Variants in CYLC2 observed in about 807,000 individuals in gnomAD.
The protein encoded by CYLC2 is cylicin 2, also known as cylicin-2.
A neutral mutation model predicts 26.1 loss-of-function variants in CYLC2; 30 were observed. That is an observed-to-expected ratio of 1.15 (90% CI 0.86 to 1.56). The LOEUF is 1.56. Among genes scored for constraint, CYLC2 ranks in the 40% most tolerant of loss-of-function variants. The pLI, the probability that CYLC2 is intolerant of heterozygous loss-of-function variation, is 0.00. For synonymous variants in CYLC2, 158 were observed against 132.8 expected (o/e 1.19, Z -1.31); for missense variants, 498 against 394.4 (o/e 1.26, Z -2.23).
Position 103,005,837 on chromosome 9 carries a change from G to A in CYLC2, c.*159G>A. 2 of 758,112 alleles carry A rather than the reference G, an allele frequency of 2.6e-6. No individual in the cohort carries two copies. Among genetic ancestry groups the A allele is most frequent in the Non-Finnish European group, 2.1e-6 (1 of 481,236 alleles). The allele number at this position is 758,112 out of a possible 1,614,324, so 47.0% of individuals were successfully genotyped here. On this transcript the variant is annotated 3_prime_UTR_variant, in exon 5 of 8. Coordinates refer to ENST00000374798, the MANE Select transcript of CYLC2 (RefSeq NM_001340.5). The stretch of plus-strand genomic sequence containing the variant: ...GAAGGATACAAAGGAGAACTCAGCA[G>A]AGATTTATAAAAATATATAAGAAAG...
At chr9:103,015,268 T>C (rs1217985318) in intron 6 of CYLC2, among the ~76,000 whole-genome samples, 1 of 115,928 alleles carries the variant, frequency 8.6e-6, no homozygotes, top group Non-Finnish European at 1.7e-5. Flanking sequence ...ATTATATACA[T>C]ATATTTATAT....
intron 5 of CYLC2, among the ~76,000 whole-genome samples, chr9:103,006,591 T>A (rs969302286): frequency 6.6e-6 from 1 of 151,784 alleles, no homozygotes; most frequent in African/African-American, 2.4e-5. Context: ...TTTTTTTGTA[T>A]TTTTAGTAGA....
chr9:103,009,644 T>C (rs999801268), intron 5 of CYLC2, among the ~76,000 whole-genome samples: 1 of 152,152 alleles, frequency 6.6e-6, no homozygotes, highest in African/African-American at 2.4e-5. Flanking sequence ...CAATGTGCTA[T>C]CAAATAGTAG....
chr9:103,014,504 T>C (rs1217796506), intron 6 of CYLC2, among the ~76,000 whole-genome samples: 1 of 141,010 alleles, frequency 7.1e-6, no homozygotes, highest in East Asian at 2.2e-4. Context: ...ATACATAATA[T>C]ATGTAATATA....
intron 1 of CYLC2, among the ~76,000 whole-genome samples, chr9:103,000,140 A>G (rs1019562394): frequency 1.3e-5 from 2 of 151,808 alleles, no homozygotes; most frequent in Admixed American, 6.6e-5. Flanking sequence ...CATTTTCATA[A>G]TTATCTTATT....
rs1275505928 is a variant in CYLC2 at position 103,015,359 on chromosome 9, TC to T, written c.*817-1528del. Among the ~76,000 whole-genome samples the T allele has an allele frequency of 4.3e-5, 5 of 117,060 alleles. No homozygotes were observed. The South Asian group carries it at 7.5e-4, about 17-fold the overall frequency. The allele number at this position is 117,060 out of a possible 152,430, so 76.8% of individuals were successfully genotyped here. On this transcript the variant is annotated intron_variant, in intron 6 of 7. Transcript: ENST00000374798. The stretch of plus-strand genomic sequence containing the variant: ...ATTATGTTATATATATTATATATAA[TC>T]ATATTATATAATGTAATATATATTA...
intron 6 of CYLC2, among the ~76,000 whole-genome samples, chr9:103,016,624 T>G (rs1829509444): frequency 6.6e-6 from 1 of 151,974 alleles, no homozygotes; most frequent in Admixed American, 6.6e-5. Context: ...AATTTCAGGT[T>G]GTTGTTGTAC....
In CYLC2 at chr9:103,005,431, T is replaced by G. The variant is rs762202245; in HGVS notation, c.800T>G (p.Ile267Ser). Residue 267 changes from isoleucine to serine, a missense_variant, in exon 5 of 8, where the codon ATT (isoleucine) becomes AGT (serine). Ile to Ser is a moderately radical substitution (Grantham distance 142, BLOSUM62 -2). Transcript: ENST00000374798. ...SKDAKKDAKE[I>S]KKGKKDKKKP... ...GATGCCAAGAAAGATGCAAAGGAGA[T>G]TAAAAAAGGTAAGAAAGATAAGAAG... The G allele has an allele frequency of 6.2e-7, 1 of 1,612,536 alleles. No homozygotes were observed. Among genetic ancestry groups the G allele is most frequent in the Non-Finnish European group, 8.5e-7 (1 of 1,179,632 alleles).
chr9:102,999,674 C>T (rs567162362), intron 1 of CYLC2, among the ~76,000 whole-genome samples: 11 of 151,328 alleles, frequency 7.3e-5, no homozygotes, highest in Non-Finnish European at 1.3e-4. Context: ...TTTTTAATTA[C>T]GAATGCATAT....
chr9:103,013,156 T>TATATATTATATGAATATATATTTA (rs1554713505), intron 6 of CYLC2, among the ~76,000 whole-genome samples: 7 of 111,244 alleles, frequency 6.3e-5, no homozygotes, highest in Non-Finnish European at 1.0e-4. Context: ...CATATATAAA[T>TATATATTATATGAATATATATTTA]ATATATTATA....
At position 103,005,001 on chromosome 9, in the gene CYLC2, C is replaced by T. The variant is rs199617987; in HGVS notation, c.370C>T (p.Gln124Ter). The T allele has an allele frequency of 1.3e-6, 2 of 1,587,786 alleles. No individual in the cohort carries two copies. Among genetic ancestry groups the T allele is most frequent in the Non-Finnish European group, 1.7e-6 (2 of 1,173,610 alleles). ...IGKKGEDKTTQKDTTDSESEL... is the reference protein window; with the variant it reads ...IGKKGEDKTT ...TAAGAAAGGTGAAGACAAGACAACA[C>T]AGAAGGACACAACAGATTCGGAATC... Residue 124 changes from glutamine (Q) to a stop codon, truncating the protein, a stop_gained, in exon 5 of 8, where the codon CAG becomes TAG. Transcript: ENST00000374798. LOFTEE classifies it high-confidence loss of function.
At chr9:103,013,156 T>TATATACTATATAAATATATATTTA (rs1829428238) in intron 6 of CYLC2, among the ~76,000 whole-genome samples, 2 of 111,244 alleles carry the variant, frequency 1.8e-5, no homozygotes, top group Non-Finnish European at 3.4e-5. Flanking sequence ...CATATATAAA[T>TATATACTATATAAATATATATTTA]ATATATTATA....
chr9:103,001,062 A>G (rs1829283320), intron 1 of CYLC2, among the ~76,000 whole-genome samples: 2 of 151,920 alleles, frequency 1.3e-5, no homozygotes, highest in Admixed American at 1.3e-4. Context: ...GCACACACAA[A>G]TTCACAGGTG....
intron 6 of CYLC2, among the ~76,000 whole-genome samples, chr9:103,013,429 T>G (rs1201940705): frequency 1.2e-5 from 1 of 80,064 alleles, no homozygotes; most frequent in Non-Finnish European, 2.1e-5. Context: ...GTGTATCATA[T>G]ATACATAATA....
At position 103,013,895 on chromosome 9, in the gene CYLC2, T is replaced by G. The variant is rs1420721859; in HGVS notation, c.*816+1798T>G. On this transcript the variant is annotated intron_variant, in intron 6 of 7. Transcript: ENST00000374798. The stretch of plus-strand genomic sequence containing the variant: ...ATTATACATATAATAAATAATATAT[T>G]ATATATAATATTATATTATACATTA... 1.8e-5 allele frequency among the ~76,000 whole-genome samples: 2 copies of G among 113,776 alleles called. 1 individual carries two copies. Among genetic ancestry groups the G allele is most frequent in the South Asian group, 5.6e-4 (2 of 3,572 alleles). The allele number at this position is 113,776 out of a possible 152,430, so 74.6% of individuals were successfully genotyped here.
At position 103,004,900 on chromosome 9, in the gene CYLC2, G is replaced by C. The variant is rs369093488; in HGVS notation, c.337+49G>C. 10 of 1,574,456 alleles carry C rather than the reference G, an allele frequency of 6.4e-6. No individual in the cohort carries two copies. The African/African-American group carries it at 1.1e-4, about 17-fold the overall frequency. ...TAGTATCTCTGTAATTTTCTGATTA[G>C]ATTTCTATTAGAATTTTATCAAGTT... On this transcript the variant is annotated intron_variant, in intron 4 of 7. Transcript: ENST00000374798.
intron 6 of CYLC2, among the ~76,000 whole-genome samples, chr9:103,014,219 A>T (rs1587855969): frequency 8.4e-6 from 1 of 119,460 alleles, no homozygotes; most frequent in Non-Finnish European, 1.6e-5. Context: ...TATCTCATAT[A>T]TAATATATAA....
chr9:103,012,558 T>C (rs1829418735), intron 6 of CYLC2, among the ~76,000 whole-genome samples: 1 of 152,034 alleles, frequency 6.6e-6, no homozygotes, highest in African/African-American at 2.4e-5. Context: ...TCACTTAGCC[T>C]AATCTGAGCC....
chr9:102,997,448 A>C (rs1156228604), intron 1 of CYLC2, among the ~76,000 whole-genome samples: 1 of 151,946 alleles, frequency 6.6e-6, no homozygotes. Flanking sequence ...ATCTTACTAC[A>C]CACAGAGCCA....
Sources: gnomAD v4.1 joint callset for allele counts (sites outside exome capture counted in the v4.1 genomes callset) on GRCh38, gnomAD v4.1.1 for gene constraint, MANE v1.5 for transcripts, NCBI Gene and HGNC (gene_info 2026-07-23, HGNC 2026-07-21) for gene names.